RHAG: variants seen among roughly 807,000 people sequenced by gnomAD.
RHAG encodes the protein Rh associated glycoprotein.
Under a neutral mutation model 42.4 loss-of-function variants are expected in RHAG, and 25 were observed. The observed-to-expected ratio is 0.59, with a 90% CI of 0.43 to 0.82. The LOEUF is 0.82. RHAG is among the 40% of genes least tolerant of loss of function. The pLI is 0.00. For missense variants in RHAG, 483 were observed against 504.6 expected, an observed-to-expected ratio of 0.96 and a Z score of 0.41; for synonymous variants, 182 against 177.7, an observed-to-expected ratio of 1.02 and a Z score of -0.19.
At chr6:49,624,236 C>G (rs958923018) in intron 1 of RHAG, among the ~76,000 whole-genome samples, 5 of 152,186 alleles carry the variant, frequency 3.3e-5, no homozygotes, top group Middle Eastern at 6.8e-3. Flanking sequence ...TGGAGTCTCA[C>G]TCTGTCTTGC....
intron 7 of RHAG, among the ~76,000 whole-genome samples, chr6:49,609,833 C>A (rs1408771399): frequency 6.6e-6 from 1 of 152,164 alleles, no homozygotes; most frequent in African/African-American, 2.4e-5. Context: ...ACACACATTT[C>A]CCTCTTCTTC....
chr6:49,611,891 G>A (rs1482880140), intron 6 of RHAG, among the ~76,000 whole-genome samples: 5 of 151,586 alleles, frequency 3.3e-5, no homozygotes, highest in South Asian at 4.2e-4. Flanking sequence ...ACAGGTACCC[G>A]CCACCATGCC....
At chr6:49,606,720 G>A in intron 9 of RHAG, 128 bp downstream of exon 9, 3 of 737,252 alleles carry the variant, frequency 4.1e-6, no homozygotes, top group East Asian at 2.7e-5. Context: ...ACATGTGTGA[G>A]CTACCTACCA....
At chr6:49,611,760 G>A (rs558247081) in intron 6 of RHAG, among the ~76,000 whole-genome samples, 11 of 126,612 alleles carry the variant, frequency 8.7e-5, no homozygotes, top group South Asian at 2.6e-4. Flanking sequence ...TTTTTCTTTT[G>A]AGACAGAGTC....
chr6:49,634,956 C>CTGTG (rs72452277), intron 1 of RHAG, among the ~76,000 whole-genome samples: 3,869 of 129,608 alleles, frequency 0.03, 151 homozygotes, highest in African/African-American at 0.09. Context: ...GTGTGTACAC[C>CTGTG]TGTGTGTGTG....
rs760104342 is a variant in RHAG at position 49,607,234 on chromosome 6, CA to C, written c.1068-15del. The C allele has an allele frequency of 1.2e-6, 2 of 1,609,374 alleles. No individual in the cohort carries two copies. The highest frequency in any genetic ancestry group is 1.7e-6 in the Non-Finnish European group (2 of 1,176,754). On this transcript the variant is annotated splice_polypyrimidine_tract_variant and intron_variant, in intron 7 of 9. Transcript: ENST00000371175. ...ATGGCCATAGACCTAAGGAAGCAAACAAAAAAGAATCAGTGTCTTTCCTGGA... is the reference window on the plus strand; with the variant it reads ...ATGGCCATAGACCTAAGGAAGCAAACAAAAAGAATCAGTGTCTTTCCTGGA...
intron 1 of RHAG, among the ~76,000 whole-genome samples, chr6:49,631,324 G>A (rs1338873062): frequency 6.6e-6 from 1 of 152,062 alleles, no homozygotes; most frequent in East Asian, 1.9e-4. Flanking sequence ...TTGCTGAAAT[G>A]AATTATTACA....
chr6:49,612,645 G>T (rs1762586802), intron 5 of RHAG, 111 bp from the exon 6 acceptor site: 2 of 1,258,054 alleles, frequency 1.6e-6, no homozygotes, highest in Non-Finnish European at 2.3e-6. Flanking sequence ...AGTTGAAAGG[G>T]CTATTGGTTC....
chr6:49,623,429 G>C (rs992126991), intron 1 of RHAG, among the ~76,000 whole-genome samples: 1 of 152,186 alleles, frequency 6.6e-6, no homozygotes, highest in Non-Finnish European at 1.5e-5. Flanking sequence ...CACAACTATA[G>C]TTGTGTGGTG....
At chr6:49,619,097 A>C in intron 2 of RHAG, 82 bp downstream of exon 2, 1 of 1,479,002 alleles carries the variant, frequency 6.8e-7, no homozygotes, top group South Asian at 1.2e-5. Flanking sequence ...CCCACCTCTT[A>C]ATATCATCAT....
intron 1 of RHAG, among the ~76,000 whole-genome samples, chr6:49,632,943 A>G (rs1358472835): frequency 3.9e-5 from 6 of 152,152 alleles, no homozygotes; most frequent in Non-Finnish European, 8.8e-5. Context: ...GCCAAAAACC[A>G]TGGAGTATAG....
chr6:49,612,332 T>G, intron 6 of RHAG, 65 bp downstream of exon 6: 1 of 1,542,866 alleles, frequency 6.5e-7, no homozygotes, highest in Admixed American at 1.7e-5. Flanking sequence ...TTTTTTCTGC[T>G]GGTGGGACAT....
At chr6:49,611,248 G>A in intron 6 of RHAG, 103 bp from the exon 7 acceptor site, 1 of 867,932 alleles carries the variant, frequency 1.2e-6, no homozygotes. Context: ...TGGAGAAAAA[G>A]TATTTTATAA....
chr6:49,636,832 G>A lies in RHAG; in HGVS notation c.-20C>T, dbSNP rs201683457. On this transcript the variant is annotated 5_prime_UTR_variant, in exon 1 of 10. Transcript: ENST00000371175. Reference sequence around the variant, plus strand: ...CCTCATGTTTGTGGCAAAGGACAGAGGCACACTGAGAGCTTCACAGGCTGT... The same window carrying A: ...CCTCATGTTTGTGGCAAAGGACAGAAGCACACTGAGAGCTTCACAGGCTGT... The A allele has an allele frequency of 6.2e-7, 1 of 1,613,360 alleles. No homozygotes were observed. The highest frequency in any genetic ancestry group is 1.7e-5 in the Admixed American group (1 of 60,018).
intron 1 of RHAG, among the ~76,000 whole-genome samples, chr6:49,633,198 A>G (rs943186579): frequency 6.6e-6 from 1 of 152,162 alleles, no homozygotes; most frequent in East Asian, 1.9e-4. Flanking sequence ...GAAATACTCA[A>G]ATCTTTTACC....
chr6:49,629,923 G>A (rs928588518), intron 1 of RHAG, among the ~76,000 whole-genome samples: 1 of 152,160 alleles, frequency 6.6e-6, no homozygotes, highest in African/African-American at 2.4e-5. Context: ...TCCCGCTCGC[G>A]CCTCTCCCTC....
At chr6:49,634,556 A>T (rs1013441377) in intron 1 of RHAG, among the ~76,000 whole-genome samples, 2 of 152,278 alleles carry the variant, frequency 1.3e-5, no homozygotes, top group African/African-American at 4.8e-5. Context: ...CAAGATACGT[A>T]ATCAACCTAA....
At chr6:49,615,420 A>AGC (rs1246027366) in intron 4 of RHAG, 14 of 501,652 alleles carry the variant, frequency 2.8e-5, no homozygotes, top group Admixed American at 1.6e-4. Context: ...TTAGAGATGG[A>AGC]GTCTCATTAT....
At chr6:49,619,009 C>G (rs1337150947) in intron 2 of RHAG, among the ~76,000 whole-genome samples, 170 bp downstream of exon 2, 1 of 152,052 alleles carries the variant, frequency 6.6e-6, no homozygotes, top group African/African-American at 2.4e-5. Flanking sequence ...TCAGGAGTCT[C>G]CTGTGGACCT....
Sources: allele counts gnomAD v4.1 joint callset (sites outside exome capture counted in the v4.1 genomes callset), GRCh38; gene constraint gnomAD v4.1.1; transcripts MANE v1.5; gene names NCBI Gene and HGNC (gene_info 2026-07-23, HGNC 2026-07-21).